The following SECISBP2 variants were observed in gnomAD, a reference collection of about 807,000 sequenced individuals.
The protein encoded by SECISBP2 is selenocysteine insertion sequence-binding protein 2.
SECISBP2 carries 96 observed loss-of-function variants against 98.2 expected under a neutral mutation model. That is an observed-to-expected ratio of 0.98 (90% CI 0.83 to 1.16). SECISBP2 has a LOEUF of 1.16. SECISBP2 is among the 50% of genes most tolerant of loss of function. SECISBP2 has a pLI of 0.00. For synonymous variants in SECISBP2, 407 were observed against 370.2 expected (o/e 1.10, Z -1.14); for missense variants, 1,046 against 1,022.9 (o/e 1.02, Z -0.31).
At chr9:89,351,240 G>A (rs568948839) in intron 14 of SECISBP2, among the ~76,000 whole-genome samples, 1 of 152,308 alleles carries the variant, frequency 6.6e-6, no homozygotes, top group African/African-American at 2.4e-5. Context: ...TTGACATTTT[G>A]TTGTTCAGTC....
rs559764301 is a variant in SECISBP2, at chr9:89,334,375, A to T, written c.881-147A>T. 2.3e-5 allele frequency: 19 copies of T among 836,142 alleles called. No individual in the cohort carries two copies. The African/African-American group carries it at 2.9e-4, about 13-fold the overall frequency. The allele number at this position is 836,142 out of a possible 1,614,324, so 51.8% of individuals were successfully genotyped here. ...AAGAAGAAAAACAAGTTTAGTGACT[A>T]CTATAGTTTCCAAGAGGATGTTTTA... is the stretch of plus-strand genomic sequence containing the variant. On this transcript the variant is annotated intron_variant, in intron 6 of 16. Transcript: ENST00000375807.
chr9:89,360,080 T>A (rs1832649901), downstream of SECISBP2, among the ~76,000 whole-genome samples: 1 of 152,178 alleles, frequency 6.6e-6, no homozygotes, highest in Admixed American at 6.5e-5. Context: ...GAGGTTGGTG[T>A]ATGAAGGCAC....
chr9:89,328,839 A>G lies in SECISBP2; in HGVS notation c.754A>G (p.Ile252Val), dbSNP rs1827229292. The change falls in exon 5 of 17, where the codon ATT (isoleucine) becomes GTT (valine). Residue 252 changes from isoleucine to valine, a missense_variant. By Grantham distance (29) the Ile-to-Val change is conservative. Coordinates refer to ENST00000375807, the MANE Select transcript of SECISBP2 (RefSeq NM_024077.5). ...ACCTGTCCACTCTGTCTCTACCGAC[A>G]TTTCTCTTCTAAGAGAAGTAGTAAA... ...WGPVHSVSTD[I>V]SLLREVVKPA... 5 of 1,614,110 alleles carry G rather than the reference A, an allele frequency of 3.1e-6. No homozygotes were observed. Among genetic ancestry groups the G allele is most frequent in the African/African-American group, 1.3e-5 (1 of 74,942 alleles).
In SECISBP2 at chr9:89,334,640, T is replaced by C; in HGVS notation, c.999T>C (p.Asp333=). ...TAAAGACCATTGCTTCATCAGCAGA[T>C]CCTAAAAATGTTAGTATACCATCTT... is the stretch of plus-strand genomic sequence containing the variant. ...INLKTIASSA[D]PKNVSIPSSE... is the part of the protein sequence containing the mutation. The change falls in exon 7 of 17, where the codon GAT becomes GAC. Residue 333 remains aspartate (D), a synonymous_variant. Coordinates refer to ENST00000375807, the MANE Select transcript of SECISBP2 (RefSeq NM_024077.5). 1 of 1,614,088 alleles carries C rather than the reference T, an allele frequency of 6.2e-7. No homozygotes were observed. Among genetic ancestry groups the C allele is most frequent in the Non-Finnish European group, 8.5e-7 (1 of 1,179,944 alleles).
downstream of SECISBP2, chr9:89,364,114 A>G: frequency 4.1e-6 from 6 of 1,450,812 alleles, no homozygotes; most frequent in East Asian, 2.4e-5. Context: ...TGGCTTCCCC[A>G]TGGCCAGCGG....
rs1169535871 is a variant in SECISBP2, at chr9:89,325,400, C to G, written c.183-27C>G. The G allele has an allele frequency of 8.7e-6, 14 of 1,610,948 alleles. No individual in the cohort carries two copies. The Admixed American group carries it at 2.0e-4, about 23-fold the overall frequency. Reference sequence around the variant, plus strand: ...TTCTTGGTTTGCAGTATGAAATCTGCAACTAAAGTTTACACTTTTTACTTA... The same window carrying G: ...TTCTTGGTTTGCAGTATGAAATCTGGAACTAAAGTTTACACTTTTTACTTA... On this transcript the variant is annotated intron_variant, in intron 2 of 16. Transcript: ENST00000375807.
In SECISBP2 at chr9:89,334,455, T is replaced by C. The variant is rs1828284938; in HGVS notation, c.881-67T>C. On this transcript the variant is annotated intron_variant, in intron 6 of 16. Transcript: ENST00000375807. ...AGCAGTTACCTCATGTAATGCATGTTTGAGTAACTAAGGAATTTCTATTTT... is the reference window on the plus strand; with the variant it reads ...AGCAGTTACCTCATGTAATGCATGTCTGAGTAACTAAGGAATTTCTATTTT... 2.3e-6 allele frequency: 3 copies of C among 1,319,834 alleles called. No individual in the cohort carries two copies. The Admixed American group carries it at 5.1e-5, about 22-fold the overall frequency. The allele number at this position is 1,319,834 out of a possible 1,614,324, so 81.8% of individuals were successfully genotyped here.
chr9:89,363,418 G>C (rs746763918), downstream of SECISBP2: 1 of 1,610,846 alleles, frequency 6.2e-7, no homozygotes, highest in Non-Finnish European at 8.5e-7. Context: ...TTGCCCGGCT[G>C]CGGCCACTTA....
the SECISBP2 span, among the ~76,000 whole-genome samples, chr9:89,366,828 G>A: frequency 6.6e-6 from 1 of 152,186 alleles, no homozygotes; most frequent in Non-Finnish European, 1.5e-5. Context: ...CCTCCCTCAT[G>A]TGACCTGCAC....
chr9:89,328,035 G>T (rs1199772799), intron 4 of SECISBP2, among the ~76,000 whole-genome samples: 1 of 152,132 alleles, frequency 6.6e-6, no homozygotes, highest in Non-Finnish European at 1.5e-5. Flanking sequence ...GGAACTCGTG[G>T]CTGCATCTGC....
chr9:89,363,929 A>G, downstream of SECISBP2: 1 of 1,614,080 alleles, frequency 6.2e-7, no homozygotes. Context: ...CTTCTCCCAG[A>G]CAAAGCGAAT....
In SECISBP2 at chr9:89,325,533, C is replaced by G; in HGVS notation, c.289C>G (p.Leu97Val). Reference protein sequence around the residue: ...LHPYAYSPYTLDSTQNVYSVP... With the variant: ...LHPYAYSPYTVDSTQNVYSVP... Reference sequence around the variant, plus strand: ...TCCATATGCCTATTCTCCTTATACCCTTGACTCCACACAGAATGTTTACTC... The same window carrying G: ...TCCATATGCCTATTCTCCTTATACCGTTGACTCCACACAGAATGTTTACTC... The change falls in exon 3 of 17, where the codon CTT becomes GTT. Residue 97 changes from leucine (L) to valine (V), a missense_variant. Leu to Val is a conservative substitution (Grantham distance 32). Coordinates refer to ENST00000375807, the MANE Select transcript of SECISBP2 (RefSeq NM_024077.5). 6.2e-7 allele frequency: 1 copy of G among 1,613,856 alleles called. No individual in the cohort carries two copies. The highest frequency in any genetic ancestry group is 8.5e-7 in the Non-Finnish European group (1 of 1,179,972).
chr9:89,362,576 C>G, downstream of SECISBP2: 1 of 1,411,470 alleles, frequency 7.1e-7, no homozygotes. Flanking sequence ...GTCTAAAGAT[C>G]CAAATGCCAG....
rs1243470311 is a variant in SECISBP2, at chr9:89,338,556, A to T, written c.1188A>T (p.Thr396=). Residue 396 remains threonine, a synonymous_variant, in exon 8 of 17, where the codon ACA becomes ACT. Coordinates refer to ENST00000375807, the MANE Select transcript of SECISBP2 (RefSeq NM_024077.5). ...EKSTSKYEVL[T]VQEPPRIEDA... ...CTACATCAAAATATGAAGTCCTGACAGTTCAAGAGCCTCCAAGGATTGAAG... is the reference window on the plus strand; with the variant it reads ...CTACATCAAAATATGAAGTCCTGACTGTTCAAGAGCCTCCAAGGATTGAAG... 1 of 1,612,478 alleles carries T rather than the reference A, an allele frequency of 6.2e-7. No homozygotes were observed. The highest frequency in any genetic ancestry group is 1.3e-5 in the African/African-American group (1 of 74,812).
downstream of SECISBP2, chr9:89,361,197 T>A (rs1276925046): frequency 3.3e-5 from 5 of 152,252 alleles, no homozygotes; most frequent in African/African-American, 1.2e-4. Context: ...AGGGGGAACG[T>A]GTGGAGACAA....
At chr9:89,326,304 C>T (rs1026722547) in intron 4 of SECISBP2, among the ~76,000 whole-genome samples, 16 of 152,170 alleles carry the variant, frequency 1.1e-4, no homozygotes, top group Non-Finnish European at 1.5e-4. Context: ...ATACATTTTT[C>T]TCTTTTCATT....
Position 89,333,000 on chromosome 9 carries a change from C to T in SECISBP2, c.880+14C>T, listed in dbSNP as rs764968961. The T allele has an allele frequency of 6.2e-7, 1 of 1,604,786 alleles. No individual in the cohort carries two copies. The highest frequency in any genetic ancestry group is 2.2e-5 in the East Asian group (1 of 44,778). On this transcript the variant is annotated intron_variant, in intron 6 of 16. Transcript: ENST00000375807. The stretch of plus-strand genomic sequence containing the variant: ...CATGTACAAGAGGTAAAAGTGGCTG[C>T]AAAAATGTTAATTTTTAAAATGTCA...
At position 89,341,392 on chromosome 9, in the gene SECISBP2, T is replaced by C. The variant is rs763883133; in HGVS notation, c.1348T>C (p.Leu450=). The C allele has an allele frequency of 3.1e-6, 5 of 1,613,954 alleles. No homozygotes were observed. In the Admixed American group the frequency reaches 5.0e-5, roughly 16 times the overall value. ...NVKKSQLPVQ[L]DLGGMLTALE... ...AAAGAAGAGCCAGCTTCCAGTGCAG[T>C]TGGACTTGGGGGGCATGCTGACAGC... Residue 450 remains leucine, a synonymous_variant, in exon 10 of 17, where the codon TTG becomes CTG. Coordinates refer to ENST00000375807, the MANE Select transcript of SECISBP2 (RefSeq NM_024077.5).
downstream of SECISBP2, chr9:89,361,110 GA>G (rs1832726291): frequency 6.6e-6 from 1 of 152,190 alleles, no homozygotes; most frequent in African/African-American, 2.4e-5. Flanking sequence ...ATGGTTCCGT[GA>G]GCAAGACTGG....
Sources: gnomAD v4.1 joint callset for allele counts (sites outside exome capture counted in the v4.1 genomes callset) on GRCh38, gnomAD v4.1.1 for gene constraint, MANE v1.5 for transcripts, NCBI Gene and HGNC (gene_info 2026-07-23, HGNC 2026-07-21) for gene names.